The following ANKRD11 variants were observed in gnomAD, a reference collection of about 807,000 sequenced individuals.
The protein encoded by ANKRD11 is ankyrin repeat domain 11.
A neutral mutation model predicts 195.7 loss-of-function variants in ANKRD11; 17 were observed. The observed-to-expected ratio is 0.09, with a 90% CI of 0.06 to 0.13. The LOEUF is 0.13. ANKRD11 is among the 10% of genes least tolerant of loss of function. ANKRD11 has a pLI of 1.00. For synonymous variants in ANKRD11, 1,953 were observed against 1,528.1 expected, an observed-to-expected ratio of 1.28 and a Z score of -6.49; for missense variants, 3,735 against 3,566.1, an observed-to-expected ratio of 1.05 and a Z score of -1.21.
At chr16:89,480,057 G>A in intron 1 of ANKRD11, among the ~76,000 whole-genome samples, 1 of 151,638 alleles carries the variant, frequency 6.6e-6, no homozygotes, top group East Asian at 1.9e-4. Flanking sequence ...GTTGCAGTGA[G>A]CTGAGATCGT....
At chr16:89,394,640 A>C (rs1483028905) in intron 2 of ANKRD11, among the ~76,000 whole-genome samples, 10 of 151,942 alleles carry the variant, frequency 6.6e-5, no homozygotes, top group Non-Finnish European at 1.3e-4. Context: ...AAAAAAAAAA[A>C]AACAAACAAC....
At chr16:89,337,429 CTTT>C (rs1165680827) in intron 2 of ANKRD11, among the ~76,000 whole-genome samples, 197 of 53,096 alleles carry the variant, frequency 3.7e-3, no homozygotes, top group South Asian at 0.026. Flanking sequence ...CTAAGCAATT[CTTT>C]TTTTTTTTTT....
At chr16:89,391,885 C>T (rs1344009028) in intron 2 of ANKRD11, among the ~76,000 whole-genome samples, 1 of 152,226 alleles carries the variant, frequency 6.6e-6, no homozygotes, top group Non-Finnish European at 1.5e-5. Flanking sequence ...ACTTTATGTT[C>T]TTAGCTCCCA....
intron 1 of ANKRD11, among the ~76,000 whole-genome samples, chr16:89,466,986 G>A (rs1187072258): frequency 6.6e-6 from 1 of 152,140 alleles, no homozygotes; most frequent in Non-Finnish European, 1.5e-5. Context: ...CTTAAACTCT[G>A]GTGTGATCTG....
Position 89,355,209 on chromosome 16 carries a change from C to T in ANKRD11, c.-59-38131G>A, listed in dbSNP as rs74033778. ...ACCTATGCTGGTGATGCTCGGGAGGCGGGCAGAGGGCTCACGGAGGGAGGG... is the reference window on the plus strand; with the variant it reads ...ACCTATGCTGGTGATGCTCGGGAGGTGGGCAGAGGGCTCACGGAGGGAGGG... On this transcript the variant is annotated intron_variant, in intron 2 of 12. Coordinates refer to ENST00000301030, the MANE Select transcript of ANKRD11 (RefSeq NM_013275.6). Among the ~76,000 whole-genome samples, 394 of 152,112 alleles carry T rather than the reference C, an allele frequency of 2.6e-3. 1 individual carries two copies. Among genetic ancestry groups the T allele is most frequent in the African/African-American group, 9.1e-3 (379 of 41,492 alleles).
At chr16:89,306,336 G>A (rs1257612671) in intron 3 of ANKRD11, among the ~76,000 whole-genome samples, 1 of 62,556 alleles carries the variant, frequency 1.6e-5, no homozygotes, top group Non-Finnish European at 2.9e-5. Context: ...CTCCCACTCC[G>A]CAGACACGCG....
In ANKRD11 at chr16:89,285,660, T is replaced by G. The variant is rs370902072; in HGVS notation, c.893-11A>C. The G allele has an allele frequency of 1.9e-6, 3 of 1,613,870 alleles. No homozygotes were observed. Among genetic ancestry groups the G allele is most frequent in the South Asian group, 1.1e-5 (1 of 91,072 alleles). ...CCTCTTCTGAGCTCTCTGTTGGAGG[T>G]AGGAAGCGAGAGGTCACAGGCAGGC... On this transcript the variant is annotated splice_polypyrimidine_tract_variant and intron_variant, in intron 8 of 12. Transcript: ENST00000301030. The surrounding 1 kb of genome is among the most constrained non-coding windows in gnomAD (Gnocchi z 5.6).
rs373857556 is a variant in ANKRD11, at chr16:89,280,209, G to A, written c.6333C>T (p.His2111=). Residue 2111 remains histidine (H), a synonymous_variant, in exon 9 of 13, where the codon CAC becomes CAT. Coordinates refer to ENST00000301030, the MANE Select transcript of ANKRD11 (RefSeq NM_013275.6). The stretch of plus-strand genomic sequence containing the variant: ...AGGGCACCGGCTCCACCTGGCCGAG[G>A]TGAGACAGGCCGCGGCTGCCGTCCA... ...SFLDGSRGLS[H]LGQVEPVPWA... 28 of 1,608,478 alleles carry A rather than the reference G, an allele frequency of 1.7e-5. 1 individual carries two copies. In the South Asian group the frequency reaches 2.5e-4, roughly 15 times the overall value.
At chr16:89,321,944 G>A (rs1319799470) in intron 2 of ANKRD11, among the ~76,000 whole-genome samples, 1 of 152,156 alleles carries the variant, frequency 6.6e-6, no homozygotes, top group East Asian at 1.9e-4. Context: ...CTGCTGCTGC[G>A]CGAGGCTTAA....
rs77279662 is a variant in ANKRD11, at chr16:89,476,434, A to C, written c.-145+13811T>G. Among the ~76,000 whole-genome samples, 726 of 152,320 alleles carry C rather than the reference A, an allele frequency of 4.8e-3. 52 individuals carry two copies. In the East Asian group the frequency reaches 0.13, roughly 26 times the overall value. ...AGCAAAGCAAACTACCTGCTTTGTA[A>C]CGATATCATTTACACATCAACATCA... On this transcript the variant is annotated intron_variant, in intron 1 of 12. Coordinates refer to ENST00000301030, the MANE Select transcript of ANKRD11 (RefSeq NM_013275.6).
chr16:89,302,867 C>A (rs1454392254), intron 4 of ANKRD11, among the ~76,000 whole-genome samples: 1 of 152,158 alleles, frequency 6.6e-6, no homozygotes, highest in African/African-American at 2.4e-5. Flanking sequence ...ACATGGTGTT[C>A]AACACGCAGT....
intron 2 of ANKRD11, among the ~76,000 whole-genome samples, chr16:89,411,032 G>C (rs910738043): frequency 2.0e-5 from 3 of 152,216 alleles, no homozygotes; most frequent in African/African-American, 4.8e-5. Context: ...CAGGGCAGGA[G>C]GCAGGATCCT....
At chr16:89,406,123 A>C (rs914724367) in intron 2 of ANKRD11, among the ~76,000 whole-genome samples, 4 of 152,016 alleles carry the variant, frequency 2.6e-5, no homozygotes, top group Admixed American at 6.6e-5. Flanking sequence ...AAAAAAAAAA[A>C]AAAAAACCTT....
At chr16:89,442,476 C>G (rs918653409) in intron 1 of ANKRD11, among the ~76,000 whole-genome samples, 1 of 152,156 alleles carries the variant, frequency 6.6e-6, no homozygotes, top group African/African-American at 2.4e-5. Context: ...CACAAACGCC[C>G]CTTTATGCAC....
intron 9 of ANKRD11, chr16:89,278,691 C>CGGGGCA (rs773385925): frequency 6.4e-6 from 3 of 466,966 alleles, no homozygotes; most frequent in Admixed American, 2.4e-5. Flanking sequence ...GAGAAGGGGG[C>CGGGGCA]GGGGCAGGGG....
intron 1 of ANKRD11, among the ~76,000 whole-genome samples, chr16:89,431,709 G>A (rs550492894): frequency 4.6e-5 from 7 of 152,156 alleles, no homozygotes; most frequent in Admixed American, 1.3e-4. Flanking sequence ...TGGCTTTAAC[G>A]ACGTGCTGCT....
At chr16:89,275,692 G>A (rs1018775299) in intron 9 of ANKRD11, among the ~76,000 whole-genome samples, 5 of 152,212 alleles carry the variant, frequency 3.3e-5, no homozygotes, top group African/African-American at 4.8e-5. Context: ...AGGGAAGCAC[G>A]CACTGGCCCA....
rs552426364 is a variant in ANKRD11, at chr16:89,315,571, T to G, written c.87+1362A>C. Among the ~76,000 whole-genome samples, 190 of 152,338 alleles carry G rather than the reference T, an allele frequency of 1.2e-3. 2 individuals carry two copies. Among genetic ancestry groups the G allele is most frequent in the African/African-American group, 4.3e-3 (180 of 41,576 alleles). The stretch of plus-strand genomic sequence containing the variant: ...GCCTGTGAGCTCGGCGGTGTGGTGC[T>G]GACCAAGCACTGGCTTCAGCTCATC... On this transcript the variant is annotated intron_variant, in intron 3 of 12. Transcript: ENST00000301030.
intron 1 of ANKRD11, among the ~76,000 whole-genome samples, chr16:89,458,369 C>T (rs1378368533): frequency 2.6e-5 from 4 of 151,998 alleles, no homozygotes; most frequent in Non-Finnish European, 4.4e-5. Context: ...GGACTACAGG[C>T]GCCCGCCACC....
Sources: allele counts gnomAD v4.1 joint callset (sites outside exome capture counted in the v4.1 genomes callset), GRCh38; gene constraint gnomAD v4.1.1; non-coding constraint Gnocchi (gnomAD v3.1); transcripts MANE v1.5; gene names NCBI Gene and HGNC (gene_info 2026-07-23, HGNC 2026-07-21).